Variants in RASAL2 observed in about 807,000 individuals in gnomAD.
RASAL2 encodes the protein ras GTPase-activating protein nGAP.
In RASAL2, 58 loss-of-function variants were observed where a neutral mutation model predicts 128.9. That is an observed-to-expected ratio of 0.45 (90% CI 0.36 to 0.56). RASAL2 has a LOEUF of 0.56. Among genes scored for constraint, RASAL2 ranks in the 20% least tolerant of loss-of-function variants. The pLI, the probability that RASAL2 is intolerant of heterozygous loss-of-function variation, is 0.00. For synonymous variants in RASAL2, 561 were observed against 580.8 expected (o/e 0.97, Z 0.49); for missense variants, 1,360 against 1,601.6 (o/e 0.85, Z 2.57).
intron 3 of RASAL2, among the ~76,000 whole-genome samples, chr1:178,333,849 T>C (rs1669459827): frequency 6.6e-6 from 1 of 152,240 alleles, no homozygotes; most frequent in Non-Finnish European, 1.5e-5. Flanking sequence ...TTTTCATTAG[T>C]AGTAATTTAT....
intron 1 of RASAL2, among the ~76,000 whole-genome samples, chr1:178,197,848 C>T (rs1490810377): frequency 1.3e-5 from 2 of 152,104 alleles, no homozygotes; most frequent in Non-Finnish European, 2.9e-5. Flanking sequence ...ATCCTTCCCC[C>T]ATTCCCCCAC....
At chr1:178,249,207 G>A (rs1283094452) in intron 1 of RASAL2, among the ~76,000 whole-genome samples, 6 of 152,048 alleles carry the variant, frequency 3.9e-5, no homozygotes, top group Middle Eastern at 3.4e-3. Context: ...TTTTCACATA[G>A]TCCCATATTT....
chr1:178,265,136 T>G (rs1423535443), intron 1 of RASAL2, among the ~76,000 whole-genome samples: 5 of 152,254 alleles, frequency 3.3e-5, no homozygotes, highest in African/African-American at 1.2e-4. Flanking sequence ...ATGGAAGATT[T>G]GAATCTAGTT....
intron 4 of RASAL2, among the ~76,000 whole-genome samples, chr1:178,416,166 T>A (rs1320765359): frequency 6.6e-6 from 1 of 152,132 alleles, no homozygotes; most frequent in East Asian, 1.9e-4. Context: ...CTTTCGTGAT[T>A]GTAATTGAAT....
intron 1 of RASAL2, among the ~76,000 whole-genome samples, chr1:178,155,103 G>T (rs918328591): frequency 1.3e-5 from 2 of 152,138 alleles, no homozygotes; most frequent in Non-Finnish European, 2.9e-5. Context: ...GATTGCAAGC[G>T]TGAGCCACCG....
intron 3 of RASAL2, among the ~76,000 whole-genome samples, chr1:178,382,318 T>C (rs1672329746): frequency 6.6e-6 from 1 of 152,204 alleles, no homozygotes; most frequent in African/African-American, 2.4e-5. Context: ...CTCTCTGTGT[T>C]TCTTGACTAG....
intron 1 of RASAL2, among the ~76,000 whole-genome samples, chr1:178,258,784 T>C (rs997207113): frequency 6.6e-6 from 1 of 152,306 alleles, no homozygotes; most frequent in South Asian, 2.1e-4. Flanking sequence ...TGAAAACGTA[T>C]GTCCTCATAA....
intron 4 of RASAL2, chr1:178,411,628 G>C (rs1674391164): frequency 1.3e-6 from 1 of 769,622 alleles, no homozygotes; most frequent in Non-Finnish European, 2.4e-6. Context: ...GTGGCTGAAG[G>C]AGAGAAATGT....
At chr1:178,185,067 T>C (rs1662242474) in intron 1 of RASAL2, among the ~76,000 whole-genome samples, 1 of 152,040 alleles carries the variant, frequency 6.6e-6, no homozygotes. Flanking sequence ...TATTCTCTTT[T>C]TGTTGTATGT....
At chr1:178,187,705 C>T (rs1163218710) in intron 1 of RASAL2, among the ~76,000 whole-genome samples, 1 of 152,100 alleles carries the variant, frequency 6.6e-6, no homozygotes, top group Non-Finnish European at 1.5e-5. Flanking sequence ...TCTTGAGAAT[C>T]AGCTTGCTAG....
At chr1:178,242,880 A>AT (rs1664580824) in intron 1 of RASAL2, among the ~76,000 whole-genome samples, 1 of 151,910 alleles carries the variant, frequency 6.6e-6, no homozygotes, top group Non-Finnish European at 1.5e-5. Context: ...TATTTCTTTT[A>AT]TAAGGTTTTT....
In RASAL2 at chr1:178,266,599, CAAGAAAGAAGAGGG is replaced by C. The variant is rs568584510; in HGVS notation, c.203-16954_203-16941del. On this transcript the variant is annotated intron_variant, in intron 1 of 17. Transcript: ENST00000367649. ...TTTAAGTAGCAGAGAGTTTAATAGG[CAAGAAAGAAGAGGG>C]AAGAAAGAAGGAAGAAGCTACCCTG... is the stretch of plus-strand genomic sequence containing the variant. Among the ~76,000 whole-genome samples the C allele has an allele frequency of 1.6e-4, 24 of 152,092 alleles. No individual in the cohort carries two copies. The South Asian group carries it at 3.7e-3, about 24-fold the overall frequency.
intron 3 of RASAL2, among the ~76,000 whole-genome samples, chr1:178,356,112 G>A (rs918963634): frequency 4.0e-5 from 6 of 148,558 alleles, no homozygotes; most frequent in Admixed American, 3.4e-4. Context: ...AGGCTGCAGT[G>A]AGCCGAGATT....
intron 1 of RASAL2, among the ~76,000 whole-genome samples, chr1:178,187,210 C>T (rs910561365): frequency 1.4e-4 from 22 of 152,070 alleles, no homozygotes; most frequent in African/African-American, 5.3e-4. Flanking sequence ...GGCCACTGGC[C>T]ACTGTTTTCA....
intron 1 of RASAL2, among the ~76,000 whole-genome samples, chr1:178,236,696 G>A (rs923288329): frequency 5.3e-5 from 8 of 151,210 alleles, no homozygotes; most frequent in African/African-American, 1.9e-4. Context: ...AAAACACTAG[G>A]CTTCTCTAGC....
intron 2 of RASAL2, among the ~76,000 whole-genome samples, chr1:178,295,382 A>C (rs1422000043): frequency 3.3e-5 from 5 of 151,406 alleles, no homozygotes; most frequent in Non-Finnish European, 2.9e-5. Context: ...CTCACCCCCC[A>C]GCAGGCCCTG....
intron 1 of RASAL2, among the ~76,000 whole-genome samples, chr1:178,110,509 C>CATATAT (rs999498636): frequency 7.0e-6 from 1 of 142,766 alleles, no homozygotes; most frequent in Non-Finnish European, 1.5e-5. Flanking sequence ...GTATATATAG[C>CATATAT]ATATATAGTG....
At chr1:178,163,683 C>G (rs1337989573) in intron 1 of RASAL2, among the ~76,000 whole-genome samples, 2 of 152,078 alleles carry the variant, frequency 1.3e-5, no homozygotes, top group Non-Finnish European at 2.9e-5. Context: ...ATTATTGTAA[C>G]TTTATAGTAA....
At position 178,144,007 on chromosome 1, in the gene RASAL2, C is replaced by T. The variant is rs898740367; in HGVS notation, c.202+49313C>T. ...TACTATCAGGAATAATTTCTTTTCACTCTCTCATTATTCTTGTCACTGTTG... is the reference window on the plus strand; with the variant it reads ...TACTATCAGGAATAATTTCTTTTCATTCTCTCATTATTCTTGTCACTGTTG... On this transcript the variant is annotated intron_variant, in intron 1 of 17. Coordinates refer to ENST00000367649, the MANE Select transcript of RASAL2 (RefSeq NM_170692.4). Among the ~76,000 whole-genome samples, 3 of 152,010 alleles carry T rather than the reference C, an allele frequency of 2.0e-5. No individual in the cohort carries two copies. In the South Asian group the frequency reaches 6.2e-4, roughly 31 times the overall value.
Sources: allele counts gnomAD v4.1 joint callset (sites outside exome capture counted in the v4.1 genomes callset), GRCh38; gene constraint gnomAD v4.1.1; transcripts MANE v1.5; gene names NCBI Gene and HGNC (gene_info 2026-07-23, HGNC 2026-07-21).